Variants in SLC36A1 observed in about 807,000 individuals in gnomAD.
SLC36A1 encodes solute carrier family 36 member 1.
SLC36A1 carries 30 observed loss-of-function variants against 47.5 expected under a neutral mutation model. The observed-to-expected ratio is 0.63, with a 90% CI of 0.47 to 0.86. SLC36A1 has a LOEUF of 0.86. SLC36A1 is among the 40% of genes least tolerant of loss of function. The pLI, the probability that SLC36A1 is intolerant of heterozygous loss-of-function variation, is 0.00. For synonymous variants in SLC36A1, 255 were observed against 249.7 expected (o/e 1.02, Z -0.20); for missense variants, 517 against 606.0 (o/e 0.85, Z 1.54).
chr5:151,441,925 C>T (rs1412963135), intron 1 of SLC36A1, among the ~76,000 whole-genome samples: 1 of 152,056 alleles, frequency 6.6e-6, no homozygotes, highest in Non-Finnish European at 1.5e-5. Flanking sequence ...TTATAATCAC[C>T]CTCTCTCCTG....
the SLC36A1 span, among the ~76,000 whole-genome samples, chr5:151,503,240 C>CTCT: frequency 6.8e-6 from 1 of 147,696 alleles, no homozygotes; most frequent in Admixed American, 6.6e-5. Flanking sequence ...GTGATAATGA[C>CTCT]CCATCAATGG....
At chr5:151,519,550 G>A in the SLC36A1 span, among the ~76,000 whole-genome samples, 4 of 152,246 alleles carry the variant, frequency 2.6e-5, no homozygotes, top group Middle Eastern at 3.4e-3. Context: ...TGGGTGGCAC[G>A]TGGAAATATG....
chr5:151,498,857 C>T, the SLC36A1 span, among the ~76,000 whole-genome samples: 1 of 152,252 alleles, frequency 6.6e-6, no homozygotes, highest in African/African-American at 2.4e-5. Context: ...TCAGTCAGAA[C>T]TTTACAGCTC....
the SLC36A1 span, chr5:151,553,095 G>C: frequency 3.3e-5 from 47 of 1,413,968 alleles, 1 homozygote; most frequent in Admixed American, 8.5e-5. Context: ...AGAAGAGTCA[G>C]AAGGACTGTA....
At chr5:151,472,920 C>T (rs977657759) in intron 7 of SLC36A1, among the ~76,000 whole-genome samples, 5 of 152,314 alleles carry the variant, frequency 3.3e-5, no homozygotes, top group Admixed American at 1.3e-4. Context: ...GTGATCCCAG[C>T]ACCTTGGGAG....
the SLC36A1 span, among the ~76,000 whole-genome samples, chr5:151,548,220 A>G: frequency 6.6e-6 from 1 of 152,144 alleles, no homozygotes; most frequent in South Asian, 2.1e-4. Flanking sequence ...AATGAACATT[A>G]GGTCTTGTGA....
chr5:151,475,578 T>C (rs1468783597), intron 8 of SLC36A1, among the ~76,000 whole-genome samples: 1 of 152,230 alleles, frequency 6.6e-6, no homozygotes, highest in African/African-American at 2.4e-5. Context: ...GCCCTCTGGC[T>C]CTTTGTATTC....
At chr5:151,521,046 T>C in the SLC36A1 span, among the ~76,000 whole-genome samples, 1 of 152,212 alleles carries the variant, frequency 6.6e-6, no homozygotes, top group Non-Finnish European at 1.5e-5. Flanking sequence ...AAACCACATA[T>C]TGTAGTCTTA....
At chr5:151,550,711 T>A in the SLC36A1 span, 3 of 1,614,016 alleles carry the variant, frequency 1.9e-6, no homozygotes, top group Admixed American at 5.0e-5. Flanking sequence ...TTGGCTGCCA[T>A]GTATGGTATA....
chr5:151,482,857 C>A (rs1004658100), intron 10 of SLC36A1, among the ~76,000 whole-genome samples: 1 of 152,096 alleles, frequency 6.6e-6, no homozygotes, highest in African/African-American at 2.4e-5. Flanking sequence ...CATGGTGAAA[C>A]CCCGTCTCTA....
the SLC36A1 span, among the ~76,000 whole-genome samples, chr5:151,388,229 C>T: frequency 3.9e-5 from 6 of 152,042 alleles, no homozygotes; most frequent in African/African-American, 7.2e-5. Flanking sequence ...TTGGTCTTGG[C>T]GGTGGCTCAT....
the SLC36A1 span, chr5:151,545,356 C>T: frequency 2.5e-6 from 4 of 1,614,156 alleles, no homozygotes; most frequent in Non-Finnish European, 3.4e-6. Flanking sequence ...CACAGATATG[C>T]TACCAGTGAC....
rs1241861878 is a variant in SLC36A1 at position 151,464,126 on chromosome 5, G to A, written c.235-388G>A. On this transcript the variant is annotated intron_variant, in intron 3 of 10. Coordinates refer to ENST00000243389, the MANE Select transcript of SLC36A1 (RefSeq NM_078483.4). ...GAAGAGAGACTCAGAGATGTGGGTT[G>A]CCCTTAGCTAAGTGCAGTCTTTCTT... 2.0e-5 allele frequency among the ~76,000 whole-genome samples: 3 copies of A among 152,118 alleles called. No individual in the cohort carries two copies. In the East Asian group the frequency reaches 5.8e-4, roughly 29 times the overall value.
At chr5:151,375,847 C>T in the SLC36A1 span, among the ~76,000 whole-genome samples, 2 of 152,242 alleles carry the variant, frequency 1.3e-5, no homozygotes, top group Admixed American at 1.3e-4. Flanking sequence ...ATTTTGTATC[C>T]TAAAACTTTG....
chr5:151,465,227 G>T, intron 5 of SLC36A1, 58 bp downstream of exon 5: 1 of 1,321,754 alleles, frequency 7.6e-7, no homozygotes, highest in Admixed American at 1.7e-5. Flanking sequence ...CCTTCAGATG[G>T]GGAGGTGCAA....
At chr5:151,352,225 C>T in the SLC36A1 span, among the ~76,000 whole-genome samples, 1 of 152,114 alleles carries the variant, frequency 6.6e-6, no homozygotes, top group Non-Finnish European at 1.5e-5. Flanking sequence ...CATACCCCTG[C>T]TTTTTTTCAT....
intron 9 of SLC36A1, among the ~76,000 whole-genome samples, chr5:151,477,178 G>A (rs1758187743): frequency 6.6e-6 from 1 of 152,138 alleles, no homozygotes; most frequent in Non-Finnish European, 1.5e-5. Context: ...GGGATTGTTG[G>A]GAGTCCTTTT....
chr5:151,537,370 A>G, the SLC36A1 span, among the ~76,000 whole-genome samples: 5 of 151,244 alleles, frequency 3.3e-5, no homozygotes, highest in African/African-American at 9.7e-5. Context: ...AAGGAAGGAA[A>G]GAAACAACGA....
the SLC36A1 span, chr5:151,545,059 G>T: frequency 3.1e-6 from 5 of 1,614,032 alleles, no homozygotes; most frequent in Admixed American, 1.7e-5. Flanking sequence ...CACACCTCTT[G>T]TCTGCAACAC....
Sources: allele counts gnomAD v4.1 joint callset (sites outside exome capture counted in the v4.1 genomes callset), GRCh38; gene constraint gnomAD v4.1.1; transcripts MANE v1.5; gene names NCBI Gene and HGNC (gene_info 2026-07-23, HGNC 2026-07-21).